The following PPP2R2B variants were observed in gnomAD, a reference collection of about 807,000 sequenced individuals.
PPP2R2B encodes protein phosphatase 2 regulatory subunit Bbeta.
In PPP2R2B, 5 loss-of-function variants were observed where a neutral mutation model predicts 46.0. The ratio of observed to expected loss-of-function variants is 0.11; its 90% confidence interval spans 0.06 to 0.23. The LOEUF (loss-of-function observed/expected upper bound fraction) is 0.23, where lower values mean the gene tolerates loss of function less well. Ranked by LOEUF, PPP2R2B falls within the 10% of genes least tolerant of loss-of-function variation. The pLI is 1.00. For synonymous variants in PPP2R2B, 215 were observed against 206.7 expected, an observed-to-expected ratio of 1.04 and a Z score of -0.34; for missense variants, 367 against 575.0, an observed-to-expected ratio of 0.64 and a Z score of 3.70.
At chr5:146,866,881 T>C (rs1761344120) in intron 2 of PPP2R2B, among the ~76,000 whole-genome samples, 1 of 152,192 alleles carries the variant, frequency 6.6e-6, no homozygotes, top group African/African-American at 2.4e-5. Context: ...CTTCCATTCT[T>C]TCTGTAAAAC....
upstream of PPP2R2B, among the ~76,000 whole-genome samples, chr5:146,883,035 C>A (rs533868883): frequency 6.6e-6 from 1 of 152,248 alleles, no homozygotes; most frequent in African/African-American, 2.4e-5. Flanking sequence ...TTTGGGTCAC[C>A]CTGTCCAATT....
intron 2 of PPP2R2B, among the ~76,000 whole-genome samples, chr5:146,846,709 TA>T (rs1388551194): frequency 6.6e-6 from 1 of 152,172 alleles, no homozygotes; most frequent in East Asian, 1.9e-4. Flanking sequence ...CTGTATTCTT[TA>T]TTTTTTTTAA....
At chr5:146,903,384 T>C (rs1009049473) in intron 1 of PPP2R2B, among the ~76,000 whole-genome samples, 47 of 140,228 alleles carry the variant, frequency 3.4e-4, no homozygotes, top group African/African-American at 1.3e-3. Context: ...TTTCTTGCTT[T>C]CTTTCTCTTT....
chr5:146,747,144 G>GA (rs1753244219), intron 2 of PPP2R2B, among the ~76,000 whole-genome samples: 3 of 151,748 alleles, frequency 2.0e-5, no homozygotes, highest in Admixed American at 2.0e-4. Flanking sequence ...AGAATACCAG[G>GA]AAAAAAAAGG....
intron 2 of PPP2R2B, among the ~76,000 whole-genome samples, chr5:146,767,674 C>T (rs1754572179): frequency 6.6e-6 from 1 of 152,216 alleles, no homozygotes; most frequent in Non-Finnish European, 1.5e-5. Context: ...ACAGCCTCCC[C>T]ATTATCAACA....
chr5:146,609,366 A>G (rs1772618352), intron 7 of PPP2R2B, among the ~76,000 whole-genome samples: 1 of 152,236 alleles, frequency 6.6e-6, no homozygotes, highest in African/African-American at 2.4e-5. Context: ...AATCAGACAA[A>G]GGAAGAAAAG....
chr5:146,643,568 A>G (rs1775368881), intron 6 of PPP2R2B, among the ~76,000 whole-genome samples: 1 of 152,314 alleles, frequency 6.6e-6, no homozygotes, highest in African/African-American at 2.4e-5. Context: ...AGAATGACAC[A>G]ATGGACTTTG....
upstream of PPP2R2B, among the ~76,000 whole-genome samples, chr5:146,883,532 G>A (rs1762233761): frequency 6.6e-6 from 1 of 152,186 alleles, no homozygotes; most frequent in South Asian, 2.1e-4. Flanking sequence ...GAAGTCTCCT[G>A]CAAATGAAAG....
intron 2 of PPP2R2B, among the ~76,000 whole-genome samples, chr5:146,821,800 A>T (rs1044166346): frequency 6.6e-6 from 1 of 152,116 alleles, no homozygotes. Flanking sequence ...GCTTAATTAC[A>T]TGAATGGATT....
intron 2 of PPP2R2B, among the ~76,000 whole-genome samples, chr5:146,870,713 T>C (rs1321086656): frequency 6.6e-6 from 1 of 152,210 alleles, no homozygotes; most frequent in Non-Finnish European, 1.5e-5. Flanking sequence ...CTTCTCAGGT[T>C]AAAACCTGTT....
chr5:146,995,995 A>T (rs1254317826), intron 1 of PPP2R2B, among the ~76,000 whole-genome samples: 1 of 152,212 alleles, frequency 6.6e-6, no homozygotes, highest in Non-Finnish European at 1.5e-5. Context: ...CATGATAAAA[A>T]ATGAAAACAC....
chr5:146,703,594 G>A (rs1336991823), intron 2 of PPP2R2B, among the ~76,000 whole-genome samples: 2 of 152,276 alleles, frequency 1.3e-5, no homozygotes, highest in Non-Finnish European at 2.9e-5. Flanking sequence ...TGGCTCAGTT[G>A]CCAAGAAGAT....
chr5:146,887,683 G>T (rs1178698652), intron 1 of PPP2R2B, among the ~76,000 whole-genome samples: 2 of 152,142 alleles, frequency 1.3e-5, no homozygotes, highest in Non-Finnish European at 2.9e-5. Flanking sequence ...CATCCTAATA[G>T]GTCAACCATT....
chr5:146,599,255 C>T (rs1268322511), intron 8 of PPP2R2B, among the ~76,000 whole-genome samples: 5 of 152,288 alleles, frequency 3.3e-5, no homozygotes, highest in Non-Finnish European at 7.4e-5. Flanking sequence ...TCCAAAACTT[C>T]CACACAGTCT....
At chr5:146,856,845 G>A (rs1220483815) in intron 2 of PPP2R2B, among the ~76,000 whole-genome samples, 1 of 152,132 alleles carries the variant, frequency 6.6e-6, no homozygotes, top group Non-Finnish European at 1.5e-5. Context: ...TCAAAGTGTT[G>A]CTCCTGATCA....
intron 5 of PPP2R2B, among the ~76,000 whole-genome samples, chr5:146,662,480 C>T (rs183831264): frequency 1.3e-5 from 2 of 152,234 alleles, no homozygotes; most frequent in East Asian, 3.9e-4. Flanking sequence ...AAAACTGATG[C>T]CTGCCTCCCC....
At chr5:147,012,954 G>C (rs1194038532) in intron 1 of PPP2R2B, among the ~76,000 whole-genome samples, 1 of 151,974 alleles carries the variant, frequency 6.6e-6, no homozygotes, top group African/African-American at 2.4e-5. Context: ...ATACCTGTTT[G>C]CAGACGACAT....
intron 2 of PPP2R2B, among the ~76,000 whole-genome samples, chr5:146,841,700 G>T (rs528811192): frequency 6.6e-6 from 1 of 152,060 alleles, no homozygotes; most frequent in African/African-American, 2.4e-5. Flanking sequence ...ACCAAACACC[G>T]CATGTTCTCA....
chr5:146,928,389 C>T (rs1341643835), intron 1 of PPP2R2B, among the ~76,000 whole-genome samples: 1 of 151,946 alleles, frequency 6.6e-6, no homozygotes, highest in Non-Finnish European at 1.5e-5. Flanking sequence ...GAACTGTTCC[C>T]ACCTGGGGCC....
Sources: allele counts gnomAD v4.1 joint callset (sites outside exome capture counted in the v4.1 genomes callset), GRCh38; gene constraint gnomAD v4.1.1; transcripts MANE v1.5; gene names NCBI Gene and HGNC (gene_info 2026-07-23, HGNC 2026-07-21).